The following ROR1 variants were observed in gnomAD, a reference collection of about 807,000 sequenced individuals.
The protein encoded by ROR1 is ROR family WNT receptor 1, also known as inactive tyrosine-protein kinase transmembrane receptor ROR1.
A neutral mutation model predicts 78.8 loss-of-function variants in ROR1; 19 were observed. The observed-to-expected ratio is 0.24, with a 90% confidence interval of 0.17 to 0.35. The LOEUF (loss-of-function observed/expected upper bound fraction) is 0.35, where lower values mean the gene tolerates loss of function less well. Among genes scored for constraint, ROR1 ranks in the 10% least tolerant of loss-of-function variants. The pLI is 1.00. For synonymous variants in ROR1, 386 were observed against 433.6 expected (o/e 0.89, Z 1.36); for missense variants, 917 against 1,177.8 (o/e 0.78, Z 3.24).
chr1:64,003,466 A>C (rs1042554645), intron 1 of ROR1, among the ~76,000 whole-genome samples: 1 of 152,186 alleles, frequency 6.6e-6, no homozygotes, highest in Non-Finnish European at 1.5e-5. Context: ...TAGAGATTGC[A>C]TCAGAAATCC....
At chr1:64,033,128 G>A (rs1042158152) in intron 2 of ROR1, among the ~76,000 whole-genome samples, 16 of 152,142 alleles carry the variant, frequency 1.1e-4, no homozygotes, top group African/African-American at 2.4e-4. Context: ...GTTTTGTCAC[G>A]TATATTTTAC....
intron 1 of ROR1, among the ~76,000 whole-genome samples, chr1:63,916,919 G>A (rs1379898822): frequency 2.6e-5 from 4 of 152,194 alleles, no homozygotes; most frequent in African/African-American, 9.6e-5. Flanking sequence ...CTCTGCAGTT[G>A]CTCAGGCCTA....
chr1:63,785,386 T>G (rs1406722487), intron 1 of ROR1, among the ~76,000 whole-genome samples: 1 of 152,148 alleles, frequency 6.6e-6, no homozygotes. Flanking sequence ...ATCTCCTCCC[T>G]TCAGAGAACT....
chr1:64,049,685 T>A lies in ROR1; in HGVS notation c.164-6T>A. The A allele has an allele frequency of 6.2e-7, 1 of 1,611,158 alleles. No individual in the cohort carries two copies. The highest frequency in any genetic ancestry group is 8.5e-7 in the Non-Finnish European group (1 of 1,177,898). ...CCTCTCACCTGCCTCCTCTCTGTGC[T>A]CACAGATTCTTACCTGACCCTCGAT... On this transcript the variant is annotated splice_polypyrimidine_tract_variant and splice_region_variant and intron_variant, in intron 2 of 8. Coordinates refer to ENST00000371079, the MANE Select transcript of ROR1 (RefSeq NM_005012.4).
At chr1:64,170,135 G>T (rs1020573039) in intron 8 of ROR1, among the ~76,000 whole-genome samples, 2 of 152,182 alleles carry the variant, frequency 1.3e-5, no homozygotes, top group Admixed American at 6.5e-5. Context: ...CCCCATTAGG[G>T]ACTTGTTATG....
chr1:64,017,218 C>T (rs1349309021), intron 2 of ROR1, among the ~76,000 whole-genome samples: 1 of 152,096 alleles, frequency 6.6e-6, no homozygotes, highest in Non-Finnish European at 1.5e-5. Flanking sequence ...GAACACCTTC[C>T]TGATAGGAGA....
intron 4 of ROR1, among the ~76,000 whole-genome samples, chr1:64,123,034 G>T (rs935745496): frequency 3.9e-5 from 6 of 152,134 alleles, no homozygotes; most frequent in African/African-American, 1.4e-4. Context: ...CACTGATCCA[G>T]TAGAATACAC....
At chr1:64,174,516 G>A (rs1390630650) in intron 8 of ROR1, among the ~76,000 whole-genome samples, 1 of 152,240 alleles carries the variant, frequency 6.6e-6, no homozygotes, top group Non-Finnish European at 1.5e-5. Flanking sequence ...AGAGGGTATT[G>A]GGTTTCTAAC....
At chr1:63,905,057 G>A (rs1177886726) in intron 1 of ROR1, among the ~76,000 whole-genome samples, 1 of 152,072 alleles carries the variant, frequency 6.6e-6, no homozygotes, top group African/African-American at 2.4e-5. Context: ...CCTATCTTAT[G>A]TCACCTACTC....
Position 63,774,368 on chromosome 1 carries a change from C to A in ROR1, c.-50C>A. ...AGCCCGGGAAGAGCCCGTGGATGTT[C>A]TGCGCGCGGCCTGGGAGCCGCCGCC... On this transcript the variant is annotated 5_prime_UTR_variant, in exon 1 of 9. It adds an upstream start codon to the 5' untranslated region. Coordinates refer to ENST00000371079, the MANE Select transcript of ROR1 (RefSeq NM_005012.4). This position sits in a 1 kb window ranked among gnomAD's most constrained non-coding sequence, Gnocchi z 5.7. 1 of 1,205,790 alleles carries A rather than the reference C, an allele frequency of 8.3e-7. No homozygotes were observed. The highest frequency in any genetic ancestry group is 1.7e-5 in the South Asian group (1 of 58,018). 74.7% of individuals were successfully genotyped at this position (1,205,790 alleles called of 1,614,324 possible).
chr1:64,004,885 A>C (rs541931203), intron 1 of ROR1, among the ~76,000 whole-genome samples: 3 of 152,290 alleles, frequency 2.0e-5, no homozygotes, highest in East Asian at 1.9e-4. Flanking sequence ...AATAGCCCCT[A>C]TTGATCAAAT....
At chr1:64,089,536 C>G (rs7533722) in intron 4 of ROR1, among the ~76,000 whole-genome samples, 54,425 of 151,884 alleles carry the variant, frequency 0.36, 11,042 homozygotes, top group African/African-American at 0.56. Flanking sequence ...AAGAACTGTT[C>G]GTGTAAATAA....
intron 2 of ROR1, among the ~76,000 whole-genome samples, chr1:64,019,577 C>T (rs1428981089): frequency 6.6e-6 from 1 of 152,134 alleles, no homozygotes; most frequent in Non-Finnish European, 1.5e-5. Flanking sequence ...TCACTTGTTC[C>T]TTATGGACAT....
intron 5 of ROR1, 87 bp downstream of exon 5, chr1:64,137,583 G>A (rs1649159208): frequency 7.4e-7 from 1 of 1,348,528 alleles, no homozygotes; most frequent in South Asian, 1.3e-5. Flanking sequence ...CTTGACAAAG[G>A]ATTAAGCTCA....
chr1:64,050,053 A>G, intron 3 of ROR1, 75 bp downstream of exon 3: 1 of 1,488,646 alleles, frequency 6.7e-7, no homozygotes, highest in Non-Finnish European at 9.2e-7. Context: ...CCACAGGGAC[A>G]GGAAGGAAGG....
intron 1 of ROR1, among the ~76,000 whole-genome samples, chr1:63,910,948 C>T (rs1212167752): frequency 6.6e-6 from 1 of 152,174 alleles, no homozygotes; most frequent in Non-Finnish European, 1.5e-5. Flanking sequence ...TGGTTTTTTA[C>T]GTCAGAGAAA....
At chr1:63,941,791 T>C (rs753185025) in intron 1 of ROR1, among the ~76,000 whole-genome samples, 2 of 152,216 alleles carry the variant, frequency 1.3e-5, no homozygotes, top group Admixed American at 6.5e-5. Flanking sequence ...ATGATACTAC[T>C]ACTACCAGTA....
chr1:63,884,877 G>A, intron 1 of ROR1, among the ~76,000 whole-genome samples: 1 of 151,862 alleles, frequency 6.6e-6, no homozygotes, highest in East Asian at 1.9e-4. Flanking sequence ...AGGCACCAAG[G>A]TAACCTGGAG....
chr1:63,969,528 G>C (rs1569992090), intron 1 of ROR1, among the ~76,000 whole-genome samples: 5 of 152,090 alleles, frequency 3.3e-5, no homozygotes, highest in African/African-American at 1.2e-4. Context: ...GTATAAGTTG[G>C]CTTGTTCAAA....
Sources: gnomAD v4.1 joint callset for allele counts (sites outside exome capture counted in the v4.1 genomes callset) on GRCh38, gnomAD v4.1.1 for gene constraint, Gnocchi (gnomAD v3.1) non-coding constraint, MANE v1.5 for transcripts, NCBI Gene and HGNC (gene_info 2026-07-23, HGNC 2026-07-21) for gene names.